LRP1B: variants seen among roughly 807,000 people sequenced by gnomAD.
LRP1B encodes low-density lipoprotein receptor-related protein 1B.
Under a neutral mutation model 556.6 loss-of-function variants are expected in LRP1B, and 217 were observed. The observed-to-expected ratio is 0.39, with a 90% confidence interval of 0.35 to 0.44. LRP1B has a LOEUF of 0.44. Ranked by LOEUF, LRP1B falls within the 20% of genes least tolerant of loss-of-function variation. LRP1B has a pLI of 1.00. For missense variants in LRP1B, 5,053 were observed against 5,620.8 expected (o/e 0.90, Z 3.23); for synonymous variants, 2,047 against 1,865.8 (o/e 1.10, Z -2.50).
chr2:141,423,704 T>G (rs560334964), intron 3 of LRP1B, among the ~76,000 whole-genome samples: 1 of 152,178 alleles, frequency 6.6e-6, no homozygotes, highest in Non-Finnish European at 1.5e-5. Context: ...ATTAAAACTT[T>G]CAGAATGTGT....
intron 13 of LRP1B, 85 bp from the exon 14 acceptor site, chr2:141,013,830 G>T: frequency 9.9e-6 from 7 of 704,844 alleles, no homozygotes; most frequent in Non-Finnish European, 1.5e-5. Context: ...TATTCAATAA[G>T]TATAACAGAT....
chr2:141,537,334 G>A (rs1320481481), intron 2 of LRP1B, among the ~76,000 whole-genome samples: 1 of 152,000 alleles, frequency 6.6e-6, no homozygotes, highest in Non-Finnish European at 1.5e-5. Flanking sequence ...GCAGGGTGTG[G>A]AATCATTTAT....
At chr2:140,890,934 T>G (rs943892281) in intron 23 of LRP1B, among the ~76,000 whole-genome samples, 19 of 152,122 alleles carry the variant, frequency 1.2e-4, no homozygotes, top group African/African-American at 3.1e-4. Flanking sequence ...TTGTGGCAAC[T>G]CAATTTAGAA....
intron 7 of LRP1B, among the ~76,000 whole-genome samples, chr2:141,176,008 C>G (rs952682866): frequency 4.6e-5 from 7 of 152,062 alleles, no homozygotes; most frequent in African/African-American, 1.7e-4. Flanking sequence ...GGCCTGTAAC[C>G]CCATTGTTTT....
chr2:140,757,198 G>A (rs1451491762), intron 35 of LRP1B, among the ~76,000 whole-genome samples: 1 of 152,152 alleles, frequency 6.6e-6, no homozygotes, highest in Non-Finnish European at 1.5e-5. Flanking sequence ...ACACTCTACT[G>A]ATGTGAATGC....
At chr2:141,747,099 G>A (rs186652508) in intron 2 of LRP1B, among the ~76,000 whole-genome samples, 7 of 152,188 alleles carry the variant, frequency 4.6e-5, no homozygotes, top group South Asian at 2.1e-4. Context: ...TATTACAAAC[G>A]ATTTTATTAA....
intron 59 of LRP1B, among the ~76,000 whole-genome samples, chr2:140,481,578 T>TTTG (rs551782178): frequency 7.3e-6 from 1 of 137,130 alleles, no homozygotes; most frequent in Non-Finnish European, 1.6e-5. Context: ...GGTAGCCATC[T>TTTG]TTATTATTAT....
chr2:140,890,037 C>T (rs1693752141), intron 23 of LRP1B, among the ~76,000 whole-genome samples: 1 of 151,974 alleles, frequency 6.6e-6, no homozygotes, highest in African/African-American at 2.4e-5. Context: ...GAATGACAAA[C>T]TGTAATCTTT....
chr2:141,222,734 A>G (rs895721313), intron 6 of LRP1B, among the ~76,000 whole-genome samples: 3 of 152,218 alleles, frequency 2.0e-5, no homozygotes, highest in Non-Finnish European at 4.4e-5. Context: ...CTGGTTGAAC[A>G]TATGCAAATC....
intron 82 of LRP1B, among the ~76,000 whole-genome samples, chr2:140,319,809 C>G (rs1680002685): frequency 6.6e-6 from 1 of 152,136 alleles, no homozygotes; most frequent in Admixed American, 6.5e-5. Context: ...GTTGAGATAA[C>G]AGCTACTCTG....
In LRP1B at chr2:140,620,638, G is replaced by A. The variant is rs187689408; in HGVS notation, c.6800-18999C>T. Among the ~76,000 whole-genome samples, 611 of 152,100 alleles carry A rather than the reference G, an allele frequency of 4.0e-3. 3 individuals carry two copies. Among genetic ancestry groups the A allele is most frequent in the African/African-American group, 0.014 (595 of 41,506 alleles). On this transcript the variant is annotated intron_variant, in intron 41 of 90. Transcript: ENST00000389484. The stretch of plus-strand genomic sequence containing the variant: ...TCCTATGTGTTAGAATCAATATGAT[G>A]TTCTGTAAAGTAAGTGTAAAGATCT...
chr2:141,480,790 A>T (rs905034775), intron 2 of LRP1B, among the ~76,000 whole-genome samples: 1 of 152,194 alleles, frequency 6.6e-6, no homozygotes, highest in Admixed American at 6.6e-5. Context: ...AACCATTAAA[A>T]TAGTATGGAT....
intron 2 of LRP1B, among the ~76,000 whole-genome samples, chr2:141,625,017 C>A (rs766942141): frequency 9.2e-5 from 14 of 152,194 alleles, no homozygotes; most frequent in Admixed American, 2.0e-4. Flanking sequence ...ATCCGCCCGC[C>A]TCAGCCTCCC....
intron 80 of LRP1B, 77 bp from the exon 81 acceptor site, chr2:140,324,143 ATATTGAAAACCT>A: frequency 2.3e-6 from 2 of 871,804 alleles, no homozygotes; most frequent in Non-Finnish European, 1.8e-6. Flanking sequence ...ATCCAAGACG[ATATTGAAAACCT>A]TATTACTGTT....
chr2:141,784,724 C>A (rs920641611), intron 2 of LRP1B, among the ~76,000 whole-genome samples: 12 of 151,838 alleles, frequency 7.9e-5, no homozygotes, highest in Admixed American at 1.3e-4. Flanking sequence ...ATATAATAAG[C>A]AATTTCCCCT....
intron 10 of LRP1B, among the ~76,000 whole-genome samples, chr2:141,053,848 GAT>G (rs1472419583): frequency 2.7e-5 from 4 of 150,610 alleles, no homozygotes; most frequent in African/African-American, 7.3e-5. Flanking sequence ...GTGTGTGTGT[GAT>G]TATATTTCCC....
At chr2:141,001,800 G>T (rs746516971) in intron 15 of LRP1B, among the ~76,000 whole-genome samples, 5 of 152,098 alleles carry the variant, frequency 3.3e-5, no homozygotes, top group Non-Finnish European at 7.4e-5. Context: ...GCACGCATAT[G>T]CATGTGCATG....
intron 20 of LRP1B, among the ~76,000 whole-genome samples, chr2:140,925,698 A>G (rs1694864310): frequency 6.6e-6 from 1 of 152,178 alleles, no homozygotes; most frequent in South Asian, 2.1e-4. Context: ...AGTATGTTTG[A>G]CGAACACACT....
intron 16 of LRP1B, chr2:140,992,445 A>G (rs1360519438): frequency 2.0e-5 from 3 of 152,146 alleles, no homozygotes; most frequent in African/African-American, 4.8e-5. Context: ...GAACCAATAC[A>G]TGAATATTGT....
Sources: gnomAD v4.1 joint callset for allele counts (sites outside exome capture counted in the v4.1 genomes callset) on GRCh38, gnomAD v4.1.1 for gene constraint, MANE v1.5 for transcripts, NCBI Gene and HGNC (gene_info 2026-07-23, HGNC 2026-07-21) for gene names.